TUBGCP2: variants seen among roughly 807,000 people sequenced by gnomAD.
TUBGCP2 encodes tubulin gamma complex component 2, also known as gamma-tubulin complex component 2.
In TUBGCP2, 55 loss-of-function variants were observed where a neutral mutation model predicts 92.2. The ratio of observed to expected loss-of-function variants is 0.60; its 90% CI spans 0.48 to 0.75. The LOEUF (loss-of-function observed/expected upper bound fraction) is 0.75. Ranked by LOEUF, TUBGCP2 falls within the 30% of genes least tolerant of loss-of-function variation. The pLI is 0.00. For synonymous variants in TUBGCP2, 533 were observed against 505.2 expected (o/e 1.06, Z -0.74); for missense variants, 1,093 against 1,188.9 (o/e 0.92, Z 1.19).
Position 133,281,413 on chromosome 10 carries a change from A to G in TUBGCP2, c.2433T>C (p.Thr811=). 1 of 1,613,314 alleles carries G rather than the reference A, an allele frequency of 6.2e-7. No homozygotes were observed. Among genetic ancestry groups the G allele is most frequent in the Non-Finnish European group, 8.5e-7 (1 of 1,179,980 alleles). Residue 811 remains threonine (T), a synonymous_variant, in exon 17 of 18, where the codon ACT becomes ACC. Coordinates refer to ENST00000252936, the MANE Select transcript of TUBGCP2 (RefSeq NM_006659.4). ...ARKHLAEHAD[T]VQLVSGFEAT... is the part of the protein sequence containing the mutation. ...CCTCGAAGCCGGACACCAGCTGCAC[A>G]GTGTCTGCGTGCTCAGCCAGGTGCT...
At position 133,298,119 on chromosome 10, in the gene TUBGCP2, G is replaced by A; in HGVS notation, c.457-8C>T. 1 of 1,609,914 alleles carries A rather than the reference G, an allele frequency of 6.2e-7. No individual in the cohort carries two copies. The highest frequency in any genetic ancestry group is 8.5e-7 in the Non-Finnish European group (1 of 1,177,520). On this transcript the variant is annotated splice_region_variant and splice_polypyrimidine_tract_variant and intron_variant, in intron 4 of 17. Transcript: ENST00000252936. ...TCTTTTAAGTTCCAGAGACTAGCAA[G>A]GACATTTTAAAAAACAAAACCAGAA... is the stretch of plus-strand genomic sequence containing the variant.
At chr10:133,291,245 GTCCCCCATGTCCCTCCGTGTCCCCCA>G (rs1847283019) in intron 8 of TUBGCP2, among the ~76,000 whole-genome samples, 2 of 69,188 alleles carry the variant, frequency 2.9e-5, no homozygotes, top group East Asian at 5.3e-4. Context: ...CGCCCTCCGT[GTCCCCCATGTCCCTCCGTGTCCCCCA>G]TGTCCCTCCG....
chr10:133,290,836 C>T (rs1431223517), intron 8 of TUBGCP2: 1 of 152,408 alleles, frequency 6.6e-6, no homozygotes, highest in African/African-American at 2.4e-5. Context: ...AAGGTGCTTT[C>T]TTTAAAGGTG....
At chr10:133,302,684 G>A in intron 2 of TUBGCP2, 108 bp downstream of exon 2, 2 of 1,416,176 alleles carry the variant, frequency 1.4e-6, no homozygotes, top group South Asian at 1.3e-5. Context: ...CCTGACCCAG[G>A]AACGGCGCTC....
chr10:133,301,358 T>C (rs1000272386), intron 2 of TUBGCP2, among the ~76,000 whole-genome samples: 1 of 152,008 alleles, frequency 6.6e-6, no homozygotes, highest in African/African-American at 2.4e-5. Flanking sequence ...CTCCCAACCT[T>C]AGGTGATCCA....
intron 5 of TUBGCP2, chr10:133,295,608 C>T (rs1847470052): frequency 1.3e-5 from 2 of 152,468 alleles, no homozygotes; most frequent in African/African-American, 4.8e-5. Context: ...GGGCAGATAA[C>T]ACCTTCGCAT....
At chr10:133,307,356 C>T (rs545570780) in intron 1 of TUBGCP2, among the ~76,000 whole-genome samples, 1 of 152,258 alleles carries the variant, frequency 6.6e-6, no homozygotes, top group Admixed American at 6.5e-5. Flanking sequence ...GGGGCACACA[C>T]TCCTAGTGAG....
At chr10:133,297,183 C>T (rs1034174352) in intron 5 of TUBGCP2, 5 of 285,774 alleles carry the variant, frequency 1.7e-5, no homozygotes, top group African/African-American at 9.3e-5. Context: ...GGGCAGATCA[C>T]CAGAGGTCAG....
chr10:133,279,774 C>A lies in TUBGCP2; in HGVS notation c.2701G>T (p.Ala901Ser). ...CCTGTCACAGCCAGGGCTCACTGTG[C>A]GGTGACTGCGACCCTGGGTGCAGGA... ...PAPAPRVAVT[A>S]Q Residue 901 changes from alanine to serine, a missense_variant, in exon 18 of 18, where the codon GCA becomes TCA. Physicochemically the swap from Ala to Ser is moderately conservative, Grantham distance 99. Coordinates refer to ENST00000252936, the MANE Select transcript of TUBGCP2 (RefSeq NM_006659.4). 3.2e-6 allele frequency: 5 copies of A among 1,558,048 alleles called. No homozygotes were observed. Among genetic ancestry groups the A allele is most frequent in the Non-Finnish European group, 4.3e-6 (5 of 1,151,136 alleles).
upstream of TUBGCP2, chr10:133,309,375 G>C (rs755769952): frequency 2.7e-5 from 43 of 1,609,102 alleles, no homozygotes; most frequent in Non-Finnish European, 3.6e-5. Context: ...CGCCCACGGC[G>C]CACTTTTCCT....
chr10:133,293,517 C>G (rs1307976092), intron 6 of TUBGCP2, 45 bp downstream of exon 6: 5 of 1,539,810 alleles, frequency 3.2e-6, no homozygotes, highest in Non-Finnish European at 4.4e-6. Context: ...CCTAACCCCT[C>G]CCCCACAACA....
chr10:133,309,087 G>A, upstream of TUBGCP2: 1 of 1,313,388 alleles, frequency 7.6e-7, no homozygotes, highest in Admixed American at 3.7e-5. Flanking sequence ...GGGAGCACCA[G>A]TTCTTCGAGG....
At chr10:133,301,776 GAT>G (rs1491257093) in intron 2 of TUBGCP2, 6 of 122,118 alleles carry the variant, frequency 4.9e-5, no homozygotes, top group East Asian at 2.6e-4. Flanking sequence ...GCAGTGGCAC[GAT>G]ATCTCGGCTC....
At chr10:133,288,440 C>A in intron 10 of TUBGCP2, 131 bp from the exon 11 acceptor site, 2 of 1,079,472 alleles carry the variant, frequency 1.9e-6, no homozygotes, top group Non-Finnish European at 1.3e-6. Flanking sequence ...ACGTGCCCAC[C>A]CGCAGGTGCC....
chr10:133,304,983 G>A (rs1847774685), intron 1 of TUBGCP2, among the ~76,000 whole-genome samples: 1 of 152,132 alleles, frequency 6.6e-6, no homozygotes, highest in Non-Finnish European at 1.5e-5. Context: ...TCAGTGTCAA[G>A]GAAAAACACC....
intron 1 of TUBGCP2, among the ~76,000 whole-genome samples, chr10:133,306,538 A>C (rs1467695935): frequency 6.6e-6 from 1 of 152,206 alleles, no homozygotes; most frequent in East Asian, 1.9e-4. Context: ...CTGTAATCTC[A>C]GCACTTTGGG....
chr10:133,310,331 A>G (rs371127921), upstream of TUBGCP2: 26 of 1,611,230 alleles, frequency 1.6e-5, no homozygotes, highest in Admixed American at 5.0e-5. Context: ...TTTTGATTTT[A>G]GGAAAAGGTT....
rs779718344 is a variant in TUBGCP2 at position 133,279,822 on chromosome 10, G to A, written c.2653C>T (p.Pro885Ser). The change falls in exon 18 of 18, where the codon CCT (proline) becomes TCT (serine). Residue 885 changes from proline (P) to serine (S), a missense_variant. Pro to Ser is a moderately conservative substitution (Grantham distance 74, BLOSUM62 -1). Coordinates refer to ENST00000252936, the MANE Select transcript of TUBGCP2 (RefSeq NM_006659.4). ...GGAGCCGGGGGCCCCCGCAGGACAG[G>A]CACTTGGGGGGTGGCCTTCTGGCTC... ...ERSQKATPQVPVLRGPPAPAP... is the reference protein window; with the variant it reads ...ERSQKATPQVSVLRGPPAPAP... The A allele has an allele frequency of 2.5e-6, 4 of 1,590,836 alleles. No homozygotes were observed. The highest frequency in any genetic ancestry group is 1.7e-6 in the Non-Finnish European group (2 of 1,169,652).
chr10:133,287,008 CA>C (rs1847149820), intron 11 of TUBGCP2, among the ~76,000 whole-genome samples: 1 of 152,236 alleles, frequency 6.6e-6, no homozygotes, highest in Non-Finnish European at 1.5e-5. Context: ...ATACAGTCAA[CA>C]AACCCAAGAG....
Sources: gnomAD v4.1 joint callset for allele counts (sites outside exome capture counted in the v4.1 genomes callset) on GRCh38, gnomAD v4.1.1 for gene constraint, MANE v1.5 for transcripts, NCBI Gene and HGNC (gene_info 2026-07-23, HGNC 2026-07-21) for gene names.